EMILIN1: variants seen among roughly 807,000 people sequenced by gnomAD.
EMILIN1 encodes elastin microfibril interfacer 1.
EMILIN1 carries 49 observed loss-of-function variants against 82.4 expected under a neutral mutation model. The ratio of observed to expected loss-of-function variants is 0.59; its 90% CI spans 0.47 to 0.75. The LOEUF is 0.75. Ranked by LOEUF, EMILIN1 falls within the 30% of genes least tolerant of loss-of-function variation. The pLI is 0.00. For missense variants in EMILIN1, 1,313 were observed against 1,366.4 expected, an observed-to-expected ratio of 0.96 and a Z score of 0.62; for synonymous variants, 604 against 602.2, an observed-to-expected ratio of 1.00 and a Z score of -0.04.
At chr2:27,084,054 T>C in intron 4 of EMILIN1, 43 bp downstream of exon 4, 1 of 1,432,740 alleles carries the variant, frequency 7.0e-7, no homozygotes, top group East Asian at 2.5e-5. Flanking sequence ...TCAAGCCCCT[T>C]ATTTTTCTTC....
Position 27,083,006 on chromosome 2 carries a change from G to C in EMILIN1, c.1435G>C (p.Gly479Arg). The stretch of plus-strand genomic sequence containing the variant: ...GGTGGCAGGGGCCATGCAGGCATGC[G>C]GGCAGCTCTGCTCTGGGGCCCCTGG... ...EQVAGAMQAC[G>R]QLCSGAPGEQ... The change falls in exon 4 of 8, where the codon GGG (glycine) becomes CGG (arginine). Residue 479 changes from glycine (G) to arginine (R), a missense_variant. By Grantham distance (125) the Gly-to-Arg change is moderately radical. Coordinates refer to ENST00000380320, the MANE Select transcript of EMILIN1 (RefSeq NM_007046.4). 1 of 1,563,290 alleles carries C rather than the reference G, an allele frequency of 6.4e-7. No homozygotes were observed. The highest frequency in any genetic ancestry group is 1.2e-5 in the South Asian group (1 of 82,444).
rs142170310 is a variant in EMILIN1 at position 27,082,158 on chromosome 2, G to T, written c.587G>T (p.Arg196Leu). ...CTGACCAAGGAGCTGCAAGGCCTGC[G>T]GGGCGTCCTGCAAGGACTGAGCGGG... Reference protein sequence around the residue: ...QSLTKELQGLRGVLQGLSGRL... With the variant: ...QSLTKELQGLLGVLQGLSGRL... The change falls in exon 4 of 8, where the codon CGG becomes CTG. Residue 196 changes from arginine to leucine, a missense_variant. Transcript: ENST00000380320. The T allele has an allele frequency of 2.2e-5, 36 of 1,613,614 alleles. No individual in the cohort carries two copies. Among genetic ancestry groups the T allele is most frequent in the Non-Finnish European group, 3.1e-5 (36 of 1,180,020 alleles).
At chr2:27,079,484 G>A (rs1030827672) in intron 1 of EMILIN1, among the ~76,000 whole-genome samples, 5 of 152,122 alleles carry the variant, frequency 3.3e-5, no homozygotes, top group Admixed American at 1.3e-4. Context: ...TGAGGGGAGC[G>A]GGCCAGGCCT....
rs764818677 is a variant in EMILIN1 at position 27,082,080 on chromosome 2, C to T, written c.512-3C>T. ...TCTGCCTTCTGCCTTCCCCTCTCCT[C>T]AGGTCCTGGGGAGTCAGAGAAGGTG... is the stretch of plus-strand genomic sequence containing the variant. On this transcript the variant is annotated splice_region_variant and splice_polypyrimidine_tract_variant and intron_variant, in intron 3 of 7. Coordinates refer to ENST00000380320, the MANE Select transcript of EMILIN1 (RefSeq NM_007046.4). 1 of 1,606,726 alleles carries T rather than the reference C, an allele frequency of 6.2e-7. No homozygotes were observed.
rs545018130 is a variant in EMILIN1 at position 27,085,987 on chromosome 2, A to C, written c.3023A>C (p.Tyr1008Ser). The C allele has an allele frequency of 4.1e-6, 6 of 1,473,028 alleles. No homozygotes were observed. The South Asian group carries it at 6.8e-5, about 17-fold the overall frequency. 91.2% of individuals were successfully genotyped at this position (1,473,028 alleles called of 1,614,324 possible). ...ACCATCTTCAGCGGGGCCCTGCTCT[A>C]TGGGGACCCAGAGCTTGAACACGCG... The part of the protein sequence containing the change: ...PLTIFSGALL[Y>S]GDPELEHA The change falls in exon 8 of 8, where the codon TAT becomes TCT. Residue 1008 changes from tyrosine to serine, a missense_variant. Coordinates refer to ENST00000380320, the MANE Select transcript of EMILIN1 (RefSeq NM_007046.4).
At position 27,083,049 on chromosome 2, in the gene EMILIN1, T is replaced by A; in HGVS notation, c.1478T>A (p.Val493Asp). 1 of 1,544,562 alleles carries A rather than the reference T, an allele frequency of 6.5e-7. No individual in the cohort carries two copies. Among genetic ancestry groups the A allele is most frequent in the Non-Finnish European group, 8.7e-7 (1 of 1,145,304 alleles). Reference protein sequence around the residue: ...SGAPGEQDSQVSEILSALERR... With the variant: ...SGAPGEQDSQDSEILSALERR... ...GCCCCTGGGGAGCAGGACTCTCAAG[T>A]CAGCGAGATCCTCAGTGCCTTGGAG... The change falls in exon 4 of 8, where the codon GTC becomes GAC. Residue 493 changes from valine to aspartate, a missense_variant. Physicochemically the swap from Val to Asp is radical, Grantham distance 152. Transcript: ENST00000380320.
chr2:27,079,211 C>T lies in EMILIN1; in HGVS notation c.146C>T (p.Ala49Val). 6.4e-7 allele frequency: 1 copy of T among 1,574,174 alleles called. No homozygotes were observed. The change falls in exon 1 of 8, where the codon GCC (alanine) becomes GTC (valine). Residue 49 changes from alanine to valine, a missense_variant. By Grantham distance (64) the Ala-to-Val change is moderately conservative. Coordinates refer to ENST00000380320, the MANE Select transcript of EMILIN1 (RefSeq NM_007046.4). ...CCCGGGGGGCCCCAGGCCCAGATTG[C>T]CCCCCGGCCAGCCAGCCGCCACAGG... ...LSPGGPQAQI[A>V]PRPASRHRNW...
Position 27,083,510 on chromosome 2 carries a change from C to T in EMILIN1, c.1939C>T (p.Leu647Phe), listed in dbSNP as rs758022469. 1.2e-6 allele frequency: 2 copies of T among 1,613,812 alleles called. No individual in the cohort carries two copies. The highest frequency in any genetic ancestry group is 1.3e-5 in the African/African-American group (1 of 74,942). Residue 647 changes from leucine (L) to phenylalanine (F), a missense_variant, in exon 4 of 8, where the codon CTC (leucine) becomes TTC (phenylalanine). Leu to Phe is a conservative substitution (Grantham distance 22, BLOSUM62 0). Coordinates refer to ENST00000380320, the MANE Select transcript of EMILIN1 (RefSeq NM_007046.4). ...AGCCCTGCAGGCCCTGCAAGGAGAG[C>T]TCTCTGAGGTTATTCTCAGCTTCAG... ...GSALQALQGE[L>F]SEVILSFSSL...
At position 27,082,127 on chromosome 2, in the gene EMILIN1, C is replaced by G; in HGVS notation, c.556C>G (p.Gln186Glu). The G allele has an allele frequency of 6.2e-7, 1 of 1,613,666 alleles. No individual in the cohort carries two copies. The highest frequency in any genetic ancestry group is 8.5e-7 in the Non-Finnish European group (1 of 1,179,962). Reference protein sequence around the residue: ...EKVQQLEEQVQSLTKELQGLR... With the variant: ...EKVQQLEEQVESLTKELQGLR... ...GGTGCAGCAGCTGGAGGAACAGGTG[C>G]AGAGCCTGACCAAGGAGCTGCAAGG... is the stretch of plus-strand genomic sequence containing the variant. Residue 186 changes from glutamine (Q) to glutamate (E), a missense_variant, in exon 4 of 8, where the codon CAG becomes GAG. By Grantham distance (29) the Gln-to-Glu change is conservative. Coordinates refer to ENST00000380320, the MANE Select transcript of EMILIN1 (RefSeq NM_007046.4).
In EMILIN1 at chr2:27,082,450, G is replaced by T. The variant is rs750202611; in HGVS notation, c.879G>T (p.Gln293His). Residue 293 changes from glutamine (Q) to histidine (H), a missense_variant, in exon 4 of 8, where the codon CAG (glutamine) becomes CAT (histidine). Gln to His is a conservative substitution (Grantham distance 24). Transcript: ENST00000380320. ...GCCCCAGTGAGGAGCTGCTGCGGCA[G>T]CTGGAGCAGCGGTTGCAGGAGTCCT... Reference protein sequence around the residue: ...PPGPSEELLRQLEQRLQESCS... With the variant: ...PPGPSEELLRHLEQRLQESCS... 6 of 1,578,184 alleles carry T rather than the reference G, an allele frequency of 3.8e-6. No individual in the cohort carries two copies. In the East Asian group the frequency reaches 1.2e-4, roughly 31 times the overall value.
chr2:27,082,225 CAACGGGAGGCAGCAG>C lies in EMILIN1; in HGVS notation c.655_669del (p.Asn219_Gln223del). 6.2e-7 allele frequency: 1 copy of C among 1,613,518 alleles called. No homozygotes were observed. The highest frequency in any genetic ancestry group is 2.2e-5 in the East Asian group (1 of 44,888). ...TGCAGAGGGCTGTGGAGACGGCCTT[CAACGGGAGGCAGCAG>C]CCAGCTGACGCGGCTGCCCGCCCTG... is the stretch of plus-strand genomic sequence containing the variant. On this transcript the variant is annotated inframe_deletion, in exon 4 of 8. Coordinates refer to ENST00000380320, the MANE Select transcript of EMILIN1 (RefSeq NM_007046.4).
In EMILIN1 at chr2:27,079,156, C is replaced by A; in HGVS notation, c.91C>A (p.Leu31Ile). ...AASYPPRGFS[L>I]YTGSSGALSP... ...CAGCTACCCTCCTCGAGGTTTCAGC[C>A]TCTACACAGGTTCCAGTGGGGCCCT... is the stretch of plus-strand genomic sequence containing the variant. The change falls in exon 1 of 8, where the codon CTC (leucine) becomes ATC (isoleucine). Residue 31 changes from leucine (L) to isoleucine (I), a missense_variant. Transcript: ENST00000380320. 6.2e-7 allele frequency: 1 copy of A among 1,600,300 alleles called. No individual in the cohort carries two copies. The highest frequency in any genetic ancestry group is 8.5e-7 in the Non-Finnish European group (1 of 1,174,700).
Position 27,082,117 on chromosome 2 carries a change from G to C in EMILIN1, c.546G>C (p.Glu182Asp), listed in dbSNP as rs751096921. The change falls in exon 4 of 8, where the codon GAG becomes GAC. Residue 182 changes from glutamate (E) to aspartate (D), a missense_variant. Glu to Asp is a conservative substitution (Grantham distance 45). Coordinates refer to ENST00000380320, the MANE Select transcript of EMILIN1 (RefSeq NM_007046.4). The part of the protein sequence containing the change: ...PGESEKVQQL[E>D]EQVQSLTKEL... Reference sequence around the variant, plus strand: ...AGTCAGAGAAGGTGCAGCAGCTGGAGGAACAGGTGCAGAGCCTGACCAAGG... The same window carrying C: ...AGTCAGAGAAGGTGCAGCAGCTGGACGAACAGGTGCAGAGCCTGACCAAGG... 1.2e-6 allele frequency: 2 copies of C among 1,613,474 alleles called. No individual in the cohort carries two copies. Among genetic ancestry groups the C allele is most frequent in the Non-Finnish European group, 8.5e-7 (1 of 1,179,890 alleles).
At chr2:27,080,015 G>T in intron 1 of EMILIN1, 136 bp from the exon 2 acceptor site, 1 of 959,396 alleles carries the variant, frequency 1.0e-6, no homozygotes. Context: ...GGGTGGCGAT[G>T]CCAAAGCCCT....
At position 27,082,765 on chromosome 2, in the gene EMILIN1, A is replaced by G; in HGVS notation, c.1194A>G (p.Pro398=). 1 of 1,539,418 alleles carries G rather than the reference A, an allele frequency of 6.5e-7. No individual in the cohort carries two copies. Among genetic ancestry groups the G allele is most frequent in the African/African-American group, 1.4e-5 (1 of 73,482 alleles). The change falls in exon 4 of 8, where the codon CCA becomes CCG. Residue 398 remains proline, a synonymous_variant. Coordinates refer to ENST00000380320, the MANE Select transcript of EMILIN1 (RefSeq NM_007046.4). The part of the protein sequence containing the change: ...GGAAGQGGHP[P]GYTSLASRLS... ...CCGCGGGGCAGGGAGGCCACCCCCC[A>G]GGCTACACCAGCTTGGCCTCCCGCC...
In EMILIN1 at chr2:27,079,091, G is replaced by A. The variant is rs770288262; in HGVS notation, c.26G>A (p.Cys9Tyr). Residue 9 changes from cysteine to tyrosine, a missense_variant, in exon 1 of 8, where the codon TGC becomes TAC. Coordinates refer to ENST00000380320, the MANE Select transcript of EMILIN1 (RefSeq NM_007046.4). Reference sequence around the variant, plus strand: ...ATGGCCCCCCGCACCCTCTGGAGCTGCTACCTCTGCTGCCTGCTGACGGCA... The same window carrying A: ...ATGGCCCCCCGCACCCTCTGGAGCTACTACCTCTGCTGCCTGCTGACGGCA... MAPRTLWS[C>Y]YLCCLLTAAA... 2.6e-5 allele frequency: 42 copies of A among 1,604,656 alleles called. 2 individuals are homozygous for A. The South Asian group carries it at 4.5e-4, about 17-fold the overall frequency.
In EMILIN1 at chr2:27,083,005, C is replaced by G. The variant is rs374226054; in HGVS notation, c.1434C>G (p.Cys478Trp). ...EEQVAGAMQACGQLCSGAPGE... is the reference protein window; with the variant it reads ...EEQVAGAMQAWGQLCSGAPGE... ...AGGTGGCAGGGGCCATGCAGGCATG[C>G]GGGCAGCTCTGCTCTGGGGCCCCTG... Residue 478 changes from cysteine to tryptophan, a missense_variant, in exon 4 of 8, where the codon TGC (cysteine) becomes TGG (tryptophan). By Grantham distance (215) the Cys-to-Trp change is radical. Coordinates refer to ENST00000380320, the MANE Select transcript of EMILIN1 (RefSeq NM_007046.4). The G allele has an allele frequency of 7.0e-6, 11 of 1,562,280 alleles. No homozygotes were observed. The highest frequency in any genetic ancestry group is 9.5e-6 in the Non-Finnish European group (11 of 1,154,846).
Position 27,085,960 on chromosome 2 carries a change from T to A in EMILIN1, c.2996T>A (p.Leu999His). ...MGQLAHSEEP[L>H]TIFSGALLYG... ...CAGCTGGCGCACTCGGAGGAGCCGC[T>A]CACCATCTTCAGCGGGGCCCTGCTC... Residue 999 changes from leucine to histidine, a missense_variant, in exon 8 of 8, where the codon CTC becomes CAC. Leu to His is a moderately conservative substitution (Grantham distance 99). Transcript: ENST00000380320. 1 of 1,508,112 alleles carries A rather than the reference T, an allele frequency of 6.6e-7. No individual in the cohort carries two copies. Among genetic ancestry groups the A allele is most frequent in the Non-Finnish European group, 8.9e-7 (1 of 1,120,336 alleles). The allele number at this position is 1,508,112 out of a possible 1,614,324, so 93.4% of individuals were successfully genotyped here. A position where few individuals can be genotyped will look rare whatever the true frequency, so the allele number is the denominator to read the frequency against.
chr2:27,083,762 G>A lies in EMILIN1; in HGVS notation c.2191G>A (p.Glu731Lys), dbSNP rs1455981928. The A allele has an allele frequency of 6.2e-7, 1 of 1,612,406 alleles. No individual in the cohort carries two copies. The highest frequency in any genetic ancestry group is 1.1e-5 in the South Asian group (1 of 90,992). ...PSLEGRLGRL[E>K]GVCERLDTVA... Reference sequence around the variant, plus strand: ...CTTAGAGGGGCGATTGGGCCGTCTTGAGGGTGTCTGTGAACGGTTGGACAC... The same window carrying A: ...CTTAGAGGGGCGATTGGGCCGTCTTAAGGGTGTCTGTGAACGGTTGGACAC... The change falls in exon 4 of 8, where the codon GAG becomes AAG. Residue 731 changes from glutamate to lysine, a missense_variant. Transcript: ENST00000380320.
Sources: gnomAD v4.1 joint callset for allele counts (sites outside exome capture counted in the v4.1 genomes callset) on GRCh38, gnomAD v4.1.1 for gene constraint, MANE v1.5 for transcripts, NCBI Gene and HGNC (gene_info 2026-07-23, HGNC 2026-07-21) for gene names.